FGF9: variants seen among roughly 807,000 people sequenced by gnomAD.
The protein encoded by FGF9 is fibroblast growth factor 9 (glia-activating factor).
FGF9 carries 3 observed loss-of-function variants against 19.9 expected under a neutral mutation model. The observed-to-expected ratio is 0.15, with a 90% CI of 0.07 to 0.39. The LOEUF (loss-of-function observed/expected upper bound fraction) is 0.39, where lower values mean the gene tolerates loss of function less well. FGF9 is among the 10% of genes least tolerant of loss of function. The probability of loss-of-function intolerance (pLI) is 1.00; values close to 1 mark genes in which losing one functional copy is unlikely to be tolerated. For synonymous variants in FGF9, 107 were observed against 106.9 expected (o/e 1.00, Z -0.01); for missense variants, 175 against 256.8 (o/e 0.68, Z 2.18).
chr13:21,696,035 A>G (rs1872404049), intron 2 of FGF9, among the ~76,000 whole-genome samples: 1 of 152,236 alleles, frequency 6.6e-6, no homozygotes, highest in Non-Finnish European at 1.5e-5. Context: ...TTGACTTTTG[A>G]AACAACTCTG....
In FGF9 at chr13:21,691,907, A is replaced by G. The variant is rs1565952185; in HGVS notation, c.382-9283A>G. On this transcript the variant is annotated intron_variant, in intron 2 of 2. Coordinates refer to ENST00000382353, the MANE Select transcript of FGF9 (RefSeq NM_002010.3). The surrounding 1 kb of genome is among the most constrained non-coding windows in gnomAD (Gnocchi z 4.2). ...GGTTATGGTGCTAAGTGTGAGAGCC[A>G]CACTCAGAGCTGTCTTCTTCATGCT... 6.6e-6 allele frequency among the ~76,000 whole-genome samples: 1 copy of G among 151,978 alleles called. No homozygotes were observed. Among genetic ancestry groups the G allele is most frequent in the Non-Finnish European group, 1.5e-5 (1 of 68,016 alleles).
At chr13:21,688,897 G>A (rs1053666506) in intron 2 of FGF9, among the ~76,000 whole-genome samples, 8 of 152,082 alleles carry the variant, frequency 5.3e-5, no homozygotes, top group African/African-American at 1.2e-4. Context: ...GTTGAGCATG[G>A]TAGCTACATT....
intron 2 of FGF9, among the ~76,000 whole-genome samples, chr13:21,682,455 A>G (rs974485067): frequency 6.6e-6 from 1 of 152,172 alleles, no homozygotes; most frequent in African/African-American, 2.4e-5. Context: ...ATTTTCTACC[A>G]TTAGGCTTGT....
intron 2 of FGF9, among the ~76,000 whole-genome samples, chr13:21,688,126 T>A (rs1872203101): frequency 1.3e-5 from 2 of 152,202 alleles, no homozygotes; most frequent in Non-Finnish European, 2.9e-5. Flanking sequence ...TTGGAGCCAC[T>A]TTTGAACAAG....
In FGF9 at chr13:21,703,843, C is replaced by T. The variant is rs1420979682; in HGVS notation, c.*2408C>T. 30 of 150,956 alleles carry T rather than the reference C, an allele frequency of 2.0e-4. No homozygotes were observed. Among genetic ancestry groups the T allele is most frequent in the Non-Finnish European group, 1.0e-4 (7 of 67,830 alleles). The allele number at this position is 150,956 out of a possible 1,614,324, so 9.4% of individuals were successfully genotyped here. On this transcript the variant is annotated 3_prime_UTR_variant, in exon 3 of 3. Coordinates refer to ENST00000382353, the MANE Select transcript of FGF9 (RefSeq NM_002010.3). ...AAAATCTTCATGCATTCCTATAAAA[C>T]GCTACTTTAAGGTCTACTTTTGGAG...
rs1872579910 is a variant in FGF9, at chr13:21,702,931, T to TA, written c.*1497dup. The TA allele has an allele frequency of 6.6e-6, 1 of 152,214 alleles. No individual in the cohort carries two copies. Among genetic ancestry groups the TA allele is most frequent in the South Asian group, 2.1e-4 (1 of 4,822 alleles). 9.4% of individuals were successfully genotyped at this position (152,214 alleles called of 1,614,324 possible). A position where few individuals can be genotyped will look rare whatever the true frequency, so the allele number is the denominator to read the frequency against. On this transcript the variant is annotated 3_prime_UTR_variant, in exon 3 of 3. Coordinates refer to ENST00000382353, the MANE Select transcript of FGF9 (RefSeq NM_002010.3). ...CGCTCAATTTTTTTAGAGGGGATAT[T>TA]ACTATATAGAATATCTTTTACAAGG...
At chr13:21,688,132 A>G (rs1872203301) in intron 2 of FGF9, among the ~76,000 whole-genome samples, 1 of 152,178 alleles carries the variant, frequency 6.6e-6, no homozygotes, top group African/African-American at 2.4e-5. Flanking sequence ...CCACTTTTGA[A>G]CAAGGAGAAT....
Position 21,681,077 on chromosome 13 carries a change from G to A in FGF9, c.313G>A (p.Val105Ile). Residue 105 changes from valine to isoleucine, a missense_variant, in exon 2 of 3, where the codon GTC becomes ATC. Val to Ile is a conservative substitution (Grantham distance 29, BLOSUM62 3). This residue lies in a region of FGF9 where 101 missense variants were observed against 160.7 expected (regional missense o/e 0.63). Transcript: ENST00000382353. ...LEFISIAVGL[V>I]SIRGVDSGLY... ...ATTTATCAGTATAGCAGTGGGCCTG[G>A]TCAGCATTCGAGGCGTGGACAGTGG... 6.2e-7 allele frequency: 1 copy of A among 1,614,062 alleles called. No individual in the cohort carries two copies. The highest frequency in any genetic ancestry group is 8.5e-7 in the Non-Finnish European group (1 of 1,179,972).
intron 2 of FGF9, among the ~76,000 whole-genome samples, chr13:21,694,876 G>A (rs754256696): frequency 2.6e-5 from 4 of 152,164 alleles, no homozygotes; most frequent in Non-Finnish European, 5.9e-5. Context: ...CTCTGTGGGA[G>A]TACCCCTCTG....
At chr13:21,686,706 G>A (rs1872166776) in intron 2 of FGF9, among the ~76,000 whole-genome samples, 1 of 152,196 alleles carries the variant, frequency 6.6e-6, no homozygotes, top group Admixed American at 6.5e-5. Context: ...ACCAGGCAGG[G>A]CAATTTATGT....
chr13:21,676,569 C>G (rs558231548), intron 1 of FGF9, among the ~76,000 whole-genome samples: 1 of 152,272 alleles, frequency 6.6e-6, no homozygotes, highest in East Asian at 1.9e-4. Flanking sequence ...GCTACAGATC[C>G]GAACTTACCC....
chr13:21,702,721 TA>T lies in FGF9; in HGVS notation c.*1287del, dbSNP rs1274149039. 3 of 152,236 alleles carry T rather than the reference TA, an allele frequency of 2.0e-5. No homozygotes were observed. The highest frequency in any genetic ancestry group is 1.9e-4 in the East Asian group (1 of 5,200). 9.4% of individuals were successfully genotyped at this position (152,236 alleles called of 1,614,324 possible). On this transcript the variant is annotated 3_prime_UTR_variant, in exon 3 of 3. Transcript: ENST00000382353. Reference sequence around the variant, plus strand: ...CAAATATGAAATTATAGAAGTATCATAGGGGTCATTGTAACATCTTTTAGAG... The same window carrying T: ...CAAATATGAAATTATAGAAGTATCATGGGGTCATTGTAACATCTTTTAGAG...
At chr13:21,685,568 T>C (rs987450179) in intron 2 of FGF9, among the ~76,000 whole-genome samples, 1 of 152,250 alleles carries the variant, frequency 6.6e-6, no homozygotes, top group Non-Finnish European at 1.5e-5. Flanking sequence ...TTGATTATTG[T>C]ATTCACGTGA....
At position 21,671,965 on chromosome 13, in the gene FGF9, C is replaced by T. The variant is rs1212322820; in HGVS notation, c.53C>T (p.Pro18Leu). The change falls in exon 1 of 3, where the codon CCG (proline) becomes CTG (leucine). Residue 18 changes from proline to leucine, a missense_variant. Around this residue, in one of 3 missense-constraint regions of FGF9, gnomAD observed 69 missense variants for 73.6 expected, o/e 0.94. Transcript: ENST00000382353. ...GNYFGVQDAV[P>L]FGNVPVLPVD... Reference sequence around the variant, plus strand: ...TATTTCGGTGTGCAGGATGCGGTACCGTTTGGGAATGTGCCCGTGTTGCCG... The same window carrying T: ...TATTTCGGTGTGCAGGATGCGGTACTGTTTGGGAATGTGCCCGTGTTGCCG... 1 of 1,614,122 alleles carries T rather than the reference C, an allele frequency of 6.2e-7. No individual in the cohort carries two copies. The highest frequency in any genetic ancestry group is 1.1e-5 in the South Asian group (1 of 91,078).
chr13:21,682,636 A>G (rs1872067219), intron 2 of FGF9, among the ~76,000 whole-genome samples: 1 of 152,042 alleles, frequency 6.6e-6, no homozygotes. Flanking sequence ...GATAAGATAC[A>G]AGATAAAGGA....
chr13:21,692,570 C>T (rs1163752223), intron 2 of FGF9, among the ~76,000 whole-genome samples: 1 of 152,176 alleles, frequency 6.6e-6, no homozygotes, highest in Non-Finnish European at 1.5e-5. Flanking sequence ...GGCTATAGAA[C>T]GGGCTAACGA....
chr13:21,680,082 C>G (rs780315118), intron 1 of FGF9, among the ~76,000 whole-genome samples: 1 of 151,988 alleles, frequency 6.6e-6, no homozygotes, highest in Non-Finnish European at 1.5e-5. Context: ...TGGATTTATG[C>G]CCAGCTTAGG....
At chr13:21,674,545 G>A (rs1322557998) in intron 1 of FGF9, among the ~76,000 whole-genome samples, 1 of 151,888 alleles carries the variant, frequency 6.6e-6, no homozygotes, top group Non-Finnish European at 1.5e-5. Context: ...CGGCTGCAGG[G>A]GCGCCGCGGC....
At chr13:21,674,384 C>T (rs1262169097) in intron 1 of FGF9, among the ~76,000 whole-genome samples, 1 of 96,436 alleles carries the variant, frequency 1.0e-5, no homozygotes, top group Non-Finnish European at 2.1e-5. Flanking sequence ...CGGAGGCGGG[C>T]GGAGGGGGCG....
Sources: gnomAD v4.1 joint callset for allele counts (sites outside exome capture counted in the v4.1 genomes callset) on GRCh38, gnomAD v4.1.1 for gene constraint, gnomAD v4.1.1 regional missense constraint, Gnocchi (gnomAD v3.1) non-coding constraint, MANE v1.5 for transcripts, NCBI Gene and HGNC (gene_info 2026-07-23, HGNC 2026-07-21) for gene names.